The following XAGE5 variants were observed in gnomAD, a reference collection of about 807,000 sequenced individuals.
XAGE5 encodes the protein G antigen, family D, 5.
In XAGE5, 13 loss-of-function variants were observed where a neutral mutation model predicts 13.1. The ratio of observed to expected loss-of-function variants is 0.99; its 90% CI spans 0.64 to 1.57. The LOEUF (loss-of-function observed/expected upper bound fraction) is 1.57. Ranked by LOEUF, XAGE5 falls within the 40% of genes most tolerant of loss-of-function variation. XAGE5 has a pLI of 0.00. For synonymous variants in XAGE5, 17 were observed against 25.0 expected, an observed-to-expected ratio of 0.68 and a Z score of 0.96; for missense variants, 86 against 77.6, an observed-to-expected ratio of 1.11 and a Z score of -0.41.
chrX:52,813,777 C>T (rs1237941896), intron 4 of XAGE5, among the ~76,000 whole-genome samples: 3 of 111,413 alleles, frequency 2.7e-5, no homozygotes, highest in Admixed American at 1.9e-4. Flanking sequence ...CCGAGGTGGG[C>T]GGATCACTTG....
intron 4 of XAGE5, 72 bp downstream of exon 4, chrX:52,813,317 AC>A: frequency 1.0e-6 from 1 of 968,139 alleles, no homozygotes; most frequent in South Asian, 2.1e-5. Flanking sequence ...TTATGCCATG[AC>A]CAGTAACAGG....
Position 52,813,211 on chromosome X carries a change from G to T in XAGE5, c.144G>T (p.Lys48Asn), listed in dbSNP as rs782456918. The T allele has an allele frequency of 2.5e-6, 3 of 1,208,917 alleles. No individual in the cohort carries two copies. The East Asian group carries it at 8.9e-5, about 36-fold the overall frequency. Residue 48 changes from lysine to asparagine, a missense_variant, in exon 4 of 6, where the codon AAG (lysine) becomes AAT (asparagine). Physicochemically the swap from Lys to Asn is moderately conservative, Grantham distance 94. Transcript: ENST00000375501. ...GTCAGGATCATACACCTGGTCAGAA[G>T]AGAGAAGATGATCAGGGTGCAGCTG... is the stretch of plus-strand genomic sequence containing the variant. ...TESQDHTPGQ[K>N]REDDQGAAEI...
intron 2 of XAGE5, chrX:52,812,279 TTTGGC>T: frequency 3.7e-6 from 1 of 268,761 alleles, no homozygotes; most frequent in Non-Finnish European, 6.6e-6. Context: ...TTTGGTTTGG[TTTGGC>T]TTTTTTGAGA....
Position 52,811,511 on chromosome X carries a change from G to A in XAGE5, c.-180-37G>A, listed in dbSNP as rs186323313. On this transcript the variant is annotated intron_variant, in intron 1 of 5. Transcript: ENST00000375501. ...GGGCCTTGATGTCGTCGTCCTTCTCGTGCGGCCCCGCAGCTATGGGCCTTC... is the reference window on the plus strand; with the variant it reads ...GGGCCTTGATGTCGTCGTCCTTCTCATGCGGCCCCGCAGCTATGGGCCTTC... Among the ~76,000 whole-genome samples, 12 of 111,340 alleles carry A rather than the reference G, an allele frequency of 1.1e-4. No individual in the cohort carries two copies. In the East Asian group the frequency reaches 2.5e-3, roughly 24 times the overall value.
In XAGE5 at chrX:52,811,577, C is replaced by T. The variant is rs1207780057; in HGVS notation, c.-151C>T. ...CAGGACGAAGGAAGAAGGAGGGCTT[C>T]GGAGTGCGACGGGGGTTAGGTGAAG... On this transcript the variant is annotated 5_prime_UTR_variant, in exon 2 of 6. Coordinates refer to ENST00000375501, the MANE Select transcript of XAGE5 (RefSeq NM_001386970.1). Among the ~76,000 whole-genome samples, 5 of 110,849 alleles carry T rather than the reference C, an allele frequency of 4.5e-5. No homozygotes were observed. The highest frequency in any genetic ancestry group is 1.6e-4 in the African/African-American group (5 of 30,435).
intron 5 of XAGE5, among the ~76,000 whole-genome samples, chrX:52,816,952 A>T (rs2146529146): frequency 8.9e-6 from 1 of 112,473 alleles, no homozygotes; most frequent in African/African-American, 3.2e-5. Context: ...GCAGTAAATG[A>T]AAGGTATGAA....
chrX:52,815,225 A>G lies in XAGE5; in HGVS notation c.304+8A>G. On this transcript the variant is annotated splice_region_variant and intron_variant, in intron 5 of 5. Transcript: ENST00000375501. ...TTAAAATGCCAGAAGGAGGTATGTT[A>G]TCCATTAAGATTAAAAATTATGTGC... 8.3e-7 allele frequency: 1 copy of G among 1,200,489 alleles called. No homozygotes were observed. Among genetic ancestry groups the G allele is most frequent in the African/African-American group, 1.7e-5 (1 of 57,351 alleles).
At chrX:52,815,991 G>A (rs1392692714) in intron 5 of XAGE5, among the ~76,000 whole-genome samples, 6 of 111,659 alleles carry the variant, frequency 5.4e-5, no homozygotes, top group South Asian at 7.6e-4. Context: ...TCGCTCTGCC[G>A]CCCAGGATGG....
intron 4 of XAGE5, among the ~76,000 whole-genome samples, chrX:52,814,674 C>T (rs1312678670): frequency 9.0e-6 from 1 of 111,621 alleles, no homozygotes; most frequent in Non-Finnish European, 1.9e-5. Context: ...ACATATAGGG[C>T]CTTTCAACCT....
At chrX:52,812,266 T>G (rs1926812043) in intron 2 of XAGE5, 3 of 251,965 alleles carry the variant, frequency 1.2e-5, no homozygotes, top group Non-Finnish European at 2.1e-5. Context: ...TTCTGGTTTT[T>G]GCTTTGGTTT....
At chrX:52,812,235 T>C in intron 2 of XAGE5, 1 of 218,925 alleles carries the variant, frequency 4.6e-6, no homozygotes. Context: ...TACACTCAGG[T>C]GCATTTTTCC....
At chrX:52,814,073 T>C (rs1926856343) in intron 4 of XAGE5, 1 of 226,790 alleles carries the variant, frequency 4.4e-6, no homozygotes, top group Non-Finnish European at 8.6e-6. Context: ...ACTTGACTCA[T>C]GGAGAAGGAA....
chrX:52,818,128 C>A (rs1333535775), intron 5 of XAGE5, 63 bp from the exon 6 acceptor site: 3 of 1,189,523 alleles, frequency 2.5e-6, no homozygotes, highest in African/African-American at 1.8e-5. Context: ...CTTTGCATAC[C>A]TTTAATTTCA....
chrX:52,818,219 G>C lies in XAGE5; in HGVS notation c.*6G>C. On this transcript the variant is annotated 3_prime_UTR_variant, in exon 6 of 6. Coordinates refer to ENST00000375501, the MANE Select transcript of XAGE5 (RefSeq NM_001386970.1). ...AAGGGAAACCACAGCTTTAAACGAA[G>C]ACAACCAAAAGAATGCAAACTGGAT... The C allele has an allele frequency of 2.5e-6, 3 of 1,211,069 alleles. No homozygotes were observed. In the Admixed American group the frequency reaches 6.5e-5, roughly 26 times the overall value.
intron 5 of XAGE5, among the ~76,000 whole-genome samples, chrX:52,816,243 G>A (rs1490149811): frequency 8.9e-6 from 1 of 111,975 alleles, no homozygotes; most frequent in South Asian, 3.7e-4. Context: ...CTCCCTCACC[G>A]GACCCAATGA....
intron 3 of XAGE5, 128 bp from the exon 4 acceptor site, chrX:52,813,012 C>A: frequency 1.8e-6 from 1 of 542,883 alleles, no homozygotes. Flanking sequence ...AGTGTAGGAG[C>A]ATGTCTTTAA....
intron 5 of XAGE5, 108 bp from the exon 6 acceptor site, chrX:52,818,083 T>C (rs1926943660): frequency 1.0e-6 from 1 of 983,463 alleles, no homozygotes; most frequent in African/African-American, 1.9e-5. Flanking sequence ...AGATTCTGGT[T>C]TTAGTCCACT....
At chrX:52,815,328 T>C (rs1785721346) in intron 5 of XAGE5, 111 bp downstream of exon 5, 1 of 924,732 alleles carries the variant, frequency 1.1e-6, no homozygotes, top group Non-Finnish European at 1.5e-6. Flanking sequence ...AGAGTTCAAA[T>C]GCAGACTTTC....
At chrX:52,817,754 C>T (rs1408563288) in intron 5 of XAGE5, among the ~76,000 whole-genome samples, 2 of 112,163 alleles carry the variant, frequency 1.8e-5, no homozygotes, top group Non-Finnish European at 3.8e-5. Flanking sequence ...GACATTCAGA[C>T]CATACTCTCA....
Sources: gnomAD v4.1 joint callset for allele counts (sites outside exome capture counted in the v4.1 genomes callset) on GRCh38, gnomAD v4.1.1 for gene constraint, MANE v1.5 for transcripts, NCBI Gene and HGNC (gene_info 2026-07-23, HGNC 2026-07-21) for gene names.